The following UNC5D variants were observed in gnomAD, a reference collection of about 807,000 sequenced individuals.
UNC5D encodes the protein netrin receptor UNC5D.
UNC5D carries 39 observed loss-of-function variants against 105.4 expected under a neutral mutation model. That is an observed-to-expected ratio of 0.37 (90% CI 0.29 to 0.48). The LOEUF (loss-of-function observed/expected upper bound fraction) is 0.48. Ranked by LOEUF, UNC5D falls within the 20% of genes least tolerant of loss-of-function variation. The pLI is 0.98. For synonymous variants in UNC5D, 452 were observed against 450.4 expected, an observed-to-expected ratio of 1.00 and a Z score of -0.04; for missense variants, 991 against 1,202.4, an observed-to-expected ratio of 0.82 and a Z score of 2.60.
chr8:35,323,777 C>T (rs1323916422), intron 1 of UNC5D, among the ~76,000 whole-genome samples: 1 of 152,124 alleles, frequency 6.6e-6, no homozygotes, highest in Non-Finnish European at 1.5e-5. Flanking sequence ...ACCCAGGCAG[C>T]ATTACTCCAT....
intron 4 of UNC5D, among the ~76,000 whole-genome samples, chr8:35,633,376 A>G (rs1375182150): frequency 6.6e-6 from 1 of 152,196 alleles, no homozygotes; most frequent in East Asian, 1.9e-4. Flanking sequence ...ATAATTTTAT[A>G]ACCACACAAC....
intron 1 of UNC5D, among the ~76,000 whole-genome samples, chr8:35,478,788 A>G (rs560923712): frequency 6.6e-6 from 1 of 152,318 alleles, no homozygotes; most frequent in East Asian, 1.9e-4. Context: ...CAAAAAGTCA[A>G]GTACAACATT....
At chr8:35,249,001 AC>A (rs1803472529) in intron 1 of UNC5D, among the ~76,000 whole-genome samples, 4 of 81,792 alleles carry the variant, frequency 4.9e-5, no homozygotes, top group Non-Finnish European at 8.7e-5. Flanking sequence ...TTATATATAA[AC>A]ATATATAATA....
chr8:35,737,141 A>G (rs561768607), intron 11 of UNC5D, among the ~76,000 whole-genome samples: 1 of 152,152 alleles, frequency 6.6e-6, no homozygotes, highest in South Asian at 2.1e-4. Context: ...TCTACTTTTG[A>G]GTGCCCTCGT....
chr8:35,774,573 T>G, intron 16 of UNC5D, 96 bp downstream of exon 16: 2 of 1,424,110 alleles, frequency 1.4e-6, no homozygotes. Context: ...AGCCCTAATA[T>G]TTTTATGAGT....
At chr8:35,383,554 G>C (rs1448251190) in intron 1 of UNC5D, among the ~76,000 whole-genome samples, 1 of 152,174 alleles carries the variant, frequency 6.6e-6, no homozygotes, top group Non-Finnish European at 1.5e-5. Flanking sequence ...TAAATACACA[G>C]ATAAAGAGCC....
chr8:35,716,173 A>C (rs1057242107), intron 8 of UNC5D, among the ~76,000 whole-genome samples: 1 of 152,184 alleles, frequency 6.6e-6, no homozygotes, highest in Non-Finnish European at 1.5e-5. Context: ...GAGTGAAGAC[A>C]GACATGTGTT....
At chr8:35,773,914 G>A (rs1563752724) in intron 15 of UNC5D, among the ~76,000 whole-genome samples, 2 of 152,048 alleles carry the variant, frequency 1.3e-5, no homozygotes, top group Non-Finnish European at 2.9e-5. Flanking sequence ...AGTAGAGATG[G>A]GGTTTCACCC....
At chr8:35,305,384 G>T (rs775325690) in intron 1 of UNC5D, among the ~76,000 whole-genome samples, 15 of 151,878 alleles carry the variant, frequency 9.9e-5, no homozygotes, top group Non-Finnish European at 1.9e-4. Flanking sequence ...AATAGATGGG[G>T]TTCAAAAAAC....
chr8:35,526,449 G>C (rs1219997609), intron 1 of UNC5D, among the ~76,000 whole-genome samples: 3 of 152,212 alleles, frequency 2.0e-5, no homozygotes, highest in Non-Finnish European at 4.4e-5. Flanking sequence ...TCCTAGATCA[G>C]TGGCCTCTTC....
intron 4 of UNC5D, among the ~76,000 whole-genome samples, chr8:35,677,857 A>G (rs1407440687): frequency 6.6e-6 from 1 of 151,628 alleles, no homozygotes; most frequent in East Asian, 1.9e-4. Context: ...TGAGAAAGCC[A>G]TGAGAGTAGG....
chr8:35,756,819 T>C (rs1690349624), intron 13 of UNC5D, among the ~76,000 whole-genome samples: 1 of 152,226 alleles, frequency 6.6e-6, no homozygotes, highest in Admixed American at 6.5e-5. Context: ...AGTACTACAC[T>C]AAATAACACA....
intron 11 of UNC5D, among the ~76,000 whole-genome samples, chr8:35,740,577 AC>A (rs1181967730): frequency 1.3e-5 from 2 of 151,808 alleles, no homozygotes; most frequent in Non-Finnish European, 2.9e-5. Flanking sequence ...CTCTATTTTG[AC>A]CCCTCTGTGT....
rs945356742 is a variant in UNC5D at position 35,346,903 on chromosome 8, C to T, written c.103+111016C>T. ...ATGTTGGCATTCACGTAATGATTTT[C>T]CCTTTTTGTTTGGGTTTGTTTCTGA... On this transcript the variant is annotated intron_variant, in intron 1 of 16. Coordinates refer to ENST00000404895, the MANE Select transcript of UNC5D (RefSeq NM_080872.4). Among the ~76,000 whole-genome samples, 4 of 151,780 alleles carry T rather than the reference C, an allele frequency of 2.6e-5. 1 individual carries two copies. The highest frequency in any genetic ancestry group is 5.9e-5 in the Non-Finnish European group (4 of 67,906).
intron 11 of UNC5D, among the ~76,000 whole-genome samples, chr8:35,745,731 A>C (rs1216468095): frequency 6.6e-6 from 1 of 152,240 alleles, no homozygotes; most frequent in East Asian, 1.9e-4. Flanking sequence ...AACATTAAGT[A>C]GCAAAAGTTC....
At chr8:35,600,837 C>G (rs1358453190) in intron 4 of UNC5D, among the ~76,000 whole-genome samples, 2 of 152,108 alleles carry the variant, frequency 1.3e-5, no homozygotes, top group Non-Finnish European at 2.9e-5. Flanking sequence ...TCTTTTGTTG[C>G]CATTGCTTTT....
chr8:35,501,633 T>C (rs1811980501), intron 1 of UNC5D, among the ~76,000 whole-genome samples: 1 of 152,190 alleles, frequency 6.6e-6, no homozygotes, highest in Non-Finnish European at 1.5e-5. Flanking sequence ...AGTTTGTATC[T>C]TTTAAAAAAA....
At chr8:35,702,442 G>A (rs1827272924) in intron 7 of UNC5D, among the ~76,000 whole-genome samples, 1 of 151,970 alleles carries the variant, frequency 6.6e-6, no homozygotes, top group African/African-American at 2.4e-5. Context: ...CTAATATGCA[G>A]CCAACACCAC....
intron 4 of UNC5D, among the ~76,000 whole-genome samples, chr8:35,644,209 C>G (rs1822916682): frequency 6.6e-6 from 1 of 152,100 alleles, no homozygotes; most frequent in Middle Eastern, 3.2e-3. Context: ...GGTTTTTGAT[C>G]TCCTGATCCT....
Sources: allele counts gnomAD v4.1 joint callset (sites outside exome capture counted in the v4.1 genomes callset), GRCh38; gene constraint gnomAD v4.1.1; transcripts MANE v1.5; gene names NCBI Gene and HGNC (gene_info 2026-07-23, HGNC 2026-07-21).